CHIT1: variants seen among roughly 807,000 people sequenced by gnomAD.
CHIT1 encodes chitotriosidase-1.
Under a neutral mutation model 52.0 loss-of-function variants are expected in CHIT1, and 47 were observed. That is an observed-to-expected ratio of 0.90 (90% CI 0.71 to 1.15). The LOEUF is 1.15. Ranked by LOEUF, CHIT1 falls within the 50% of genes most tolerant of loss-of-function variation. CHIT1 has a pLI of 0.00. For missense variants in CHIT1, 569 were observed against 583.0 expected, an observed-to-expected ratio of 0.98 and a Z score of 0.25; for synonymous variants, 242 against 228.2, an observed-to-expected ratio of 1.06 and a Z score of -0.54.
chr1:203,225,349 G>T (rs962752975), intron 3 of CHIT1, among the ~76,000 whole-genome samples: 9 of 152,128 alleles, frequency 5.9e-5, no homozygotes, highest in Admixed American at 2.0e-4. Flanking sequence ...TTCTCAAGAG[G>T]CTTTGTGAAG....
Position 203,228,513 on chromosome 1 carries a change from C to T in CHIT1, c.55+20G>A. On this transcript the variant is annotated intron_variant, in intron 2 of 10. Transcript: ENST00000367229. Reference sequence around the variant, plus strand: ...GAGCCCAGGGAAGGGGCTGAGGCAGCCAAGAAAGAGGCTACTTACCCCATG... The same window carrying T: ...GAGCCCAGGGAAGGGGCTGAGGCAGTCAAGAAAGAGGCTACTTACCCCATG... 1.3e-6 allele frequency: 2 copies of T among 1,582,946 alleles called. No homozygotes were observed. Among genetic ancestry groups the T allele is most frequent in the Non-Finnish European group, 1.7e-6 (2 of 1,162,410 alleles).
Position 203,225,649 on chromosome 1 carries a change from G to A in CHIT1, c.257+20C>T. ...CACCCCACCACATCCCACCCACCCTGCTCCTCTGCTTTGGCTCACATCTTC... is the reference window on the plus strand; with the variant it reads ...CACCCCACCACATCCCACCCACCCTACTCCTCTGCTTTGGCTCACATCTTC... On this transcript the variant is annotated intron_variant, in intron 3 of 10. Coordinates refer to ENST00000367229, the MANE Select transcript of CHIT1 (RefSeq NM_003465.3). 2 of 1,605,970 alleles carry A rather than the reference G, an allele frequency of 1.2e-6. No homozygotes were observed. The highest frequency in any genetic ancestry group is 1.7e-6 in the Non-Finnish European group (2 of 1,173,144).
intron 9 of CHIT1, chr1:203,218,126 G>T: frequency 6.9e-7 from 1 of 1,446,552 alleles, no homozygotes; most frequent in Non-Finnish European, 9.2e-7. Flanking sequence ...GAGGAATAGT[G>T]TCAGTTGTGT....
intron 1 of CHIT1, among the ~76,000 whole-genome samples, chr1:203,229,377 G>C (rs1425029538): frequency 6.6e-6 from 1 of 152,198 alleles, no homozygotes; most frequent in Non-Finnish European, 1.5e-5. Context: ...AGCCTGTTGA[G>C]AAAAGCCTTC....
At chr1:203,217,161 G>A in intron 10 of CHIT1, 28 bp from the exon 11 acceptor site, 1 of 1,600,018 alleles carries the variant, frequency 6.2e-7, no homozygotes, top group Non-Finnish European at 8.5e-7. Flanking sequence ...ATTCAACCAA[G>A]GCTCCCCCGA....
chr1:203,221,410 G>A (rs1656723419), intron 7 of CHIT1, among the ~76,000 whole-genome samples: 1 of 152,084 alleles, frequency 6.6e-6, no homozygotes, highest in Admixed American at 6.5e-5. Context: ...GAGCCAGGAG[G>A]ATTGATTGAG....
At chr1:203,228,743 G>T (rs116801714) in intron 1 of CHIT1, among the ~76,000 whole-genome samples, 181 bp from the exon 2 acceptor site, 1 of 152,122 alleles carries the variant, frequency 6.6e-6, no homozygotes, top group Admixed American at 6.5e-5. Context: ...ACCAGACCAC[G>T]GGGGTCTCTT....
intron 9 of CHIT1, among the ~76,000 whole-genome samples, chr1:203,218,638 C>T (rs951274247): frequency 6.6e-6 from 1 of 152,170 alleles, no homozygotes; most frequent in South Asian, 2.1e-4. Flanking sequence ...CTGAAATACC[C>T]TTCCACCGTG....
At chr1:203,222,413 G>A (rs538371740) in intron 6 of CHIT1, 88 bp from the exon 7 acceptor site, 3 of 1,590,618 alleles carry the variant, frequency 1.9e-6, no homozygotes, top group African/African-American at 2.7e-5. Context: ...TCAGTGCATG[G>A]CCTAGGGAGG....
chr1:203,229,746 G>A (rs757494173), upstream of CHIT1: 5 of 1,304,122 alleles, frequency 3.8e-6, 1 homozygote, highest in Non-Finnish European at 4.4e-6. Context: ...GCAATCAGGG[G>A]CACTGGGTGG....
chr1:203,225,560 C>T (rs767066103), intron 3 of CHIT1, 109 bp downstream of exon 3: 11 of 1,131,506 alleles, frequency 9.7e-6, no homozygotes, highest in Non-Finnish European at 7.9e-6. Flanking sequence ...CAAAGCCACA[C>T]AGTGGGTCTG....
In CHIT1 at chr1:203,223,491, A is replaced by C. The variant is rs867382330; in HGVS notation, c.480+4T>G. 1.9e-6 allele frequency: 3 copies of C among 1,614,084 alleles called. No homozygotes were observed. Among genetic ancestry groups the C allele is most frequent in the Middle Eastern group, 1.7e-4 (1 of 6,004 alleles). ...CTGGTGATCCCCGCCCCGCCCAGCC[A>C]TACCTGTACCAGGGTTGTGAAGCGC... On this transcript the variant is annotated splice_donor_region_variant and intron_variant, in intron 5 of 10. Coordinates refer to ENST00000367229, the MANE Select transcript of CHIT1 (RefSeq NM_003465.3).
intron 4 of CHIT1, among the ~76,000 whole-genome samples, chr1:203,223,923 CA>C (rs1470617440): frequency 2.6e-5 from 4 of 152,144 alleles, no homozygotes; most frequent in African/African-American, 9.7e-5. Flanking sequence ...GAGCCTTTCC[CA>C]AAATTCCCTC....
At chr1:203,219,073 A>G in intron 9 of CHIT1, 143 bp downstream of exon 9, 1 of 712,918 alleles carries the variant, frequency 1.4e-6, no homozygotes, top group Non-Finnish European at 2.6e-6. Context: ...GTAAAGGTAC[A>G]AAATACTATC....
Position 203,217,839 on chromosome 1 carries a change from C to T in CHIT1, c.1056G>A (p.Leu352=). The T allele has an allele frequency of 6.2e-7, 1 of 1,613,864 alleles. No homozygotes were observed. The highest frequency in any genetic ancestry group is 8.5e-7 in the Non-Finnish European group (1 of 1,179,922). Residue 352 remains leucine (L), a synonymous_variant, in exon 10 of 11, where the codon CTG becomes CTA. Coordinates refer to ENST00000367229, the MANE Select transcript of CHIT1 (RefSeq NM_003465.3). The stretch of plus-strand genomic sequence containing the variant: ...CCAGTGCCCAGACCATGGCCCCGCC[C>T]AGTCCCTTCTGCTTCAGATAGCTGA... ...TKVSYLKQKG[L]GGAMVWALDL...
In CHIT1 at chr1:203,217,789, G is replaced by T; in HGVS notation, c.1106C>A (p.Ser369Tyr). 6.5e-7 allele frequency: 1 copy of T among 1,526,776 alleles called. No homozygotes were observed. The highest frequency in any genetic ancestry group is 9.0e-7 in the Non-Finnish European group (1 of 1,115,314). 94.6% of individuals were successfully genotyped at this position (1,526,776 alleles called of 1,614,324 possible). ...ALDLDDFAGF[S>Y]CNQGRYPLIQ... Reference sequence around the variant, plus strand: ...GAGGGGGTATCGGCCCTGGTTGCAGGAGAAGCCGGCAAAGTCATCTAAGTC... The same window carrying T: ...GAGGGGGTATCGGCCCTGGTTGCAGTAGAAGCCGGCAAAGTCATCTAAGTC... The change falls in exon 10 of 11, where the codon TCC becomes TAC. Residue 369 changes from serine to tyrosine, a missense_variant. Physicochemically the swap from Ser to Tyr is moderately radical, Grantham distance 144. Transcript: ENST00000367229.
intron 4 of CHIT1, 90 bp downstream of exon 4, chr1:203,224,958 G>A: frequency 8.3e-7 from 1 of 1,201,812 alleles, no homozygotes; most frequent in Non-Finnish European, 1.2e-6. Flanking sequence ...ACCTCAGCCT[G>A]GCCTGATTCC....
At chr1:203,221,703 C>G (rs1656742267) in intron 7 of CHIT1, among the ~76,000 whole-genome samples, 1 of 152,114 alleles carries the variant, frequency 6.6e-6, no homozygotes, top group African/African-American at 2.4e-5. Context: ...CCCAACCTAC[C>G]CTAGTCTAAA....
chr1:203,229,482 G>T, intron 1 of CHIT1, 130 bp downstream of exon 1: 1 of 1,023,156 alleles, frequency 9.8e-7, no homozygotes, highest in East Asian at 2.6e-5. Context: ...CATGGAGAGG[G>T]ATAAAATGAC....
Sources: gnomAD v4.1 joint callset for allele counts (sites outside exome capture counted in the v4.1 genomes callset) on GRCh38, gnomAD v4.1.1 for gene constraint, MANE v1.5 for transcripts, NCBI Gene and HGNC (gene_info 2026-07-23, HGNC 2026-07-21) for gene names.